The following MLLT10 variants were observed in gnomAD, a reference collection of about 807,000 sequenced individuals.
The protein encoded by MLLT10 is MLLT10 histone lysine methyltransferase DOT1L cofactor.
A neutral mutation model predicts 129.1 loss-of-function variants in MLLT10; 30 were observed. The observed-to-expected ratio is 0.23, with a 90% confidence interval of 0.17 to 0.32. The LOEUF is 0.32. MLLT10 is among the 10% of genes least tolerant of loss of function. The pLI, the probability that MLLT10 is intolerant of heterozygous loss-of-function variation, is 1.00. For synonymous variants in MLLT10, 490 were observed against 446.4 expected, an observed-to-expected ratio of 1.10 and a Z score of -1.23; for missense variants, 1,119 against 1,268.3, an observed-to-expected ratio of 0.88 and a Z score of 1.79.
chr10:21,596,908 G>A (rs1207439069), intron 5 of MLLT10, among the ~76,000 whole-genome samples: 2 of 151,896 alleles, frequency 1.3e-5, no homozygotes, highest in African/African-American at 4.8e-5. Flanking sequence ...GATTCTAGCA[G>A]GTTAATTTTT....
chr10:21,605,798 T>C (rs1346806647), intron 5 of MLLT10, among the ~76,000 whole-genome samples: 1 of 152,230 alleles, frequency 6.6e-6, no homozygotes, highest in Non-Finnish European at 1.5e-5. Flanking sequence ...TAGGGCTTAC[T>C]ATCTTTATCT....
Position 21,673,413 on chromosome 10 carries a change from A to C in MLLT10, c.1115A>C (p.Gln372Pro). ...SSSGSSVQSPQDFLSFTDSDL... is the reference protein window; with the variant it reads ...SSSGSSVQSPPDFLSFTDSDL... ...TCTGGAAGTTCAGTGCAGTCTCCCC[A>C]GGATTTCCTGAGCTTTACAGACTCA... The change falls in exon 11 of 23, where the codon CAG becomes CCG. Residue 372 changes from glutamine to proline, a missense_variant. By Grantham distance (76) the Gln-to-Pro change is moderately conservative. Around this residue, in one of 5 missense-constraint regions of MLLT10, gnomAD observed 1,004 missense variants for 1,008.7 expected, o/e 1.00. Coordinates refer to ENST00000307729, the MANE Select transcript of MLLT10 (RefSeq NM_001195626.3). 6.2e-7 allele frequency: 1 copy of C among 1,607,994 alleles called. No homozygotes were observed. Among genetic ancestry groups the C allele is most frequent in the Non-Finnish European group, 8.5e-7 (1 of 1,178,724 alleles).
At chr10:21,574,323 T>G (rs565127218) in intron 3 of MLLT10, among the ~76,000 whole-genome samples, 48 of 152,190 alleles carry the variant, frequency 3.2e-4, no homozygotes, top group Non-Finnish European at 6.0e-4. Flanking sequence ...CATTTTATTC[T>G]TGATATTGGT....
rs370990067 is a variant in MLLT10 at position 21,646,239 on chromosome 10, T to C, written c.700-5434T>C. On this transcript the variant is annotated intron_variant, in intron 8 of 22. Transcript: ENST00000307729. ...AACAAAAACAAAAAAACCCCTCTCC[T>C]GTATAACTGTCTTTAGCTTCTTTAC... Among the ~76,000 whole-genome samples the C allele has an allele frequency of 3.3e-5, 5 of 152,234 alleles. No individual in the cohort carries two copies. The East Asian group carries it at 7.7e-4, about 24-fold the overall frequency.
At chr10:21,540,634 A>G (rs150277831) in intron 3 of MLLT10, among the ~76,000 whole-genome samples, 132 of 152,190 alleles carry the variant, frequency 8.7e-4, no homozygotes, top group African/African-American at 2.8e-3. Flanking sequence ...AATAGATTTT[A>G]TTTTCATTAG....
intron 13 of MLLT10, among the ~76,000 whole-genome samples, chr10:21,711,275 T>G (rs1408586313): frequency 6.6e-6 from 1 of 151,826 alleles, no homozygotes; most frequent in Non-Finnish European, 1.5e-5. Context: ...ATACAAAAAT[T>G]AGCTGAGTGT....
chr10:21,632,413 G>A (rs1002149394), intron 8 of MLLT10, among the ~76,000 whole-genome samples: 6 of 152,032 alleles, frequency 3.9e-5, no homozygotes, highest in African/African-American at 1.4e-4. Flanking sequence ...ATAGCCTATT[G>A]TTTTCCATTA....
At chr10:21,534,165 C>T, upstream of MLLT10, 1 of 381,432 alleles carries the variant, frequency 2.6e-6, no homozygotes, top group Non-Finnish European at 4.6e-6. Context: ...GCCAACAGGC[C>T]GCGGCAGCGC....
Position 21,689,618 on chromosome 10 carries a change from TACACAC to T in MLLT10, c.1699+7377_1699+7382del, listed in dbSNP as rs58778532. 3.7e-3 allele frequency among the ~76,000 whole-genome samples: 412 copies of T among 112,054 alleles called. 4 individuals are homozygous for T. The highest frequency in any genetic ancestry group is 0.011 in the African/African-American group (368 of 33,162). 73.5% of individuals were successfully genotyped at this position (112,054 alleles called of 152,430 possible). On this transcript the variant is annotated intron_variant, in intron 13 of 22. Coordinates refer to ENST00000307729, the MANE Select transcript of MLLT10 (RefSeq NM_001195626.3). Reference sequence around the variant, plus strand: ...TGTGTGTTTTATATATATATATATATACACACACACACACACACACATTTATATATA... The same window carrying T: ...TGTGTGTTTTATATATATATATATATACACACACACACACATTTATATATA...
At chr10:21,599,839 A>G (rs1384870521) in intron 5 of MLLT10, among the ~76,000 whole-genome samples, 2 of 152,208 alleles carry the variant, frequency 1.3e-5, no homozygotes, top group Non-Finnish European at 2.9e-5. Context: ...AGGTGCTAAG[A>G]TTACAGGCAT....
intron 3 of MLLT10, among the ~76,000 whole-genome samples, chr10:21,580,558 T>A (rs1300741433): frequency 6.6e-6 from 1 of 151,650 alleles, no homozygotes; most frequent in Non-Finnish European, 1.5e-5. Context: ...CTGGCTAACT[T>A]TTTTTGTATT....
chr10:21,673,503 G>C lies in MLLT10; in HGVS notation c.1205G>C (p.Gly402Ala). 6.2e-7 allele frequency: 1 copy of C among 1,613,738 alleles called. No individual in the cohort carries two copies. The highest frequency in any genetic ancestry group is 8.5e-7 in the Non-Finnish European group (1 of 1,179,950). Residue 402 changes from glycine to alanine, a missense_variant, in exon 11 of 23, where the codon GGA becomes GCA. By Grantham distance (60) the Gly-to-Ala change is moderately conservative (BLOSUM62 0). Coordinates refer to ENST00000307729, the MANE Select transcript of MLLT10 (RefSeq NM_001195626.3). Reference protein sequence around the residue: ...QSSATKDVHKGESGSQEGGVN... With the variant: ...QSSATKDVHKAESGSQEGGVN... ...TCAGCAACCAAAGATGTACATAAAGGAGAGTCTGGAAGCCAGGAAGGGGGG... is the reference window on the plus strand; with the variant it reads ...TCAGCAACCAAAGATGTACATAAAGCAGAGTCTGGAAGCCAGGAAGGGGGG...
intron 9 of MLLT10, among the ~76,000 whole-genome samples, chr10:21,652,684 C>T (rs1369887839): frequency 2.0e-5 from 3 of 152,036 alleles, no homozygotes; most frequent in Non-Finnish European, 4.4e-5. Context: ...TTAGTTTGAT[C>T]GAAAAGTGAG....
chr10:21,662,688 T>G (rs533839880), intron 9 of MLLT10, among the ~76,000 whole-genome samples: 1 of 152,322 alleles, frequency 6.6e-6, no homozygotes, highest in South Asian at 2.1e-4. Flanking sequence ...ATGTCTGACT[T>G]GGTTTCTGAT....
At chr10:21,697,994 T>G (rs1286111321) in intron 13 of MLLT10, among the ~76,000 whole-genome samples, 1 of 152,206 alleles carries the variant, frequency 6.6e-6, no homozygotes, top group African/African-American at 2.4e-5. Flanking sequence ...ATGCATAGAA[T>G]GTATACTGAG....
At chr10:21,562,825 T>G (rs867378141) in intron 3 of MLLT10, among the ~76,000 whole-genome samples, 60 of 139,510 alleles carry the variant, frequency 4.3e-4, no homozygotes, top group Non-Finnish European at 6.7e-4. Flanking sequence ...TTTGTTTTTT[T>G]TTTTTTTTTT....
At chr10:21,672,412 G>A (rs186941910) in intron 10 of MLLT10, among the ~76,000 whole-genome samples, 1 of 152,052 alleles carries the variant, frequency 6.6e-6, no homozygotes, top group Admixed American at 6.6e-5. Context: ...ATTTTTTGTA[G>A]AGACGGGTTC....
chr10:21,550,971 T>C, intron 3 of MLLT10, among the ~76,000 whole-genome samples: 1 of 151,266 alleles, frequency 6.6e-6, no homozygotes, highest in East Asian at 1.9e-4. Flanking sequence ...TGTCACCCAG[T>C]GCAGTGGTAC....
chr10:21,612,002 G>C (rs1451798547), intron 5 of MLLT10, among the ~76,000 whole-genome samples: 1 of 152,156 alleles, frequency 6.6e-6, no homozygotes, highest in Admixed American at 6.5e-5. Context: ...CTTGTTACAG[G>C]AATCAGTCTT....
Sources: allele counts gnomAD v4.1 joint callset (sites outside exome capture counted in the v4.1 genomes callset), GRCh38; gene constraint gnomAD v4.1.1; regional missense constraint gnomAD v4.1.1; transcripts MANE v1.5; gene names NCBI Gene and HGNC (gene_info 2026-07-23, HGNC 2026-07-21).